The following POLR3B variants were observed in gnomAD, a reference collection of about 807,000 sequenced individuals.
POLR3B encodes DNA-directed RNA polymerase III subunit RPC2.
In POLR3B, 96 loss-of-function variants were observed where a neutral mutation model predicts 147.4. The ratio of observed to expected loss-of-function variants is 0.65; its 90% CI spans 0.55 to 0.77. The LOEUF is 0.77. Among genes scored for constraint, POLR3B ranks in the 30% least tolerant of loss-of-function variants. POLR3B has a pLI of 0.00. For missense variants in POLR3B, 1,036 were observed against 1,413.5 expected (o/e 0.73, Z 4.28); for synonymous variants, 461 against 485.9 (o/e 0.95, Z 0.67).
At chr12:106,390,368 G>C (rs968129643) in intron 9 of POLR3B, among the ~76,000 whole-genome samples, 1 of 151,470 alleles carries the variant, frequency 6.6e-6, no homozygotes, top group Non-Finnish European at 1.5e-5. Flanking sequence ...AAGGAATTCT[G>C]TTCTAATATT....
At chr12:106,434,655 A>G (rs1318761804) in intron 16 of POLR3B, among the ~76,000 whole-genome samples, 1 of 152,004 alleles carries the variant, frequency 6.6e-6, no homozygotes, top group Non-Finnish European at 1.5e-5. Flanking sequence ...TTGTGTCACA[A>G]GCCTTTTCTA....
chr12:106,458,802 A>G (rs1281579963), intron 21 of POLR3B, among the ~76,000 whole-genome samples: 1 of 152,222 alleles, frequency 6.6e-6, no homozygotes, highest in East Asian at 1.9e-4. Flanking sequence ...AAGAGATACA[A>G]AGCAAAAATG....
chr12:106,501,036 G>T (rs2038591959), intron 25 of POLR3B, among the ~76,000 whole-genome samples: 1 of 152,180 alleles, frequency 6.6e-6, no homozygotes, highest in South Asian at 2.1e-4. Context: ...AAGCAAGAAA[G>T]GATGGTGGCC....
At chr12:106,409,175 A>G (rs1040999823) in intron 11 of POLR3B, among the ~76,000 whole-genome samples, 5 of 152,136 alleles carry the variant, frequency 3.3e-5, no homozygotes. Flanking sequence ...TAGATGTTCC[A>G]TGTAACTTGC....
At chr12:106,508,314 A>G (rs1028958236) in intron 27 of POLR3B, among the ~76,000 whole-genome samples, 3 of 152,186 alleles carry the variant, frequency 2.0e-5, no homozygotes, top group African/African-American at 7.2e-5. Context: ...GCACATTTAC[A>G]GTTTTTACAC....
At chr12:106,434,286 A>C (rs943434826) in intron 16 of POLR3B, among the ~76,000 whole-genome samples, 2 of 152,176 alleles carry the variant, frequency 1.3e-5, no homozygotes, top group Non-Finnish European at 2.9e-5. Flanking sequence ...ACTGAAAGCT[A>C]AAGAGTGGTG....
intron 1 of POLR3B, among the ~76,000 whole-genome samples, chr12:106,361,306 G>C (rs954811160): frequency 1.3e-5 from 2 of 152,216 alleles, no homozygotes; most frequent in Non-Finnish European, 2.9e-5. Flanking sequence ...TAGAATTTTT[G>C]TTTTCCTGTT....
chr12:106,398,487 G>C (rs561528397), intron 10 of POLR3B, among the ~76,000 whole-genome samples: 2 of 152,304 alleles, frequency 1.3e-5, no homozygotes, highest in Admixed American at 6.5e-5. Flanking sequence ...AGAGAGTAGT[G>C]GTTCTCCCAG....
At chr12:106,404,348 C>T (rs945272864) in intron 10 of POLR3B, among the ~76,000 whole-genome samples, 1 of 152,194 alleles carries the variant, frequency 6.6e-6, no homozygotes, top group Non-Finnish European at 1.5e-5. Context: ...CCGCCTCGGC[C>T]TCCCAAAGTG....
At chr12:106,379,898 A>G in intron 8 of POLR3B, 133 bp from the exon 9 acceptor site, 1 of 685,630 alleles carries the variant, frequency 1.5e-6, no homozygotes, top group Non-Finnish European at 2.7e-6. Context: ...TTTTTAAAGT[A>G]CTTATTAGAA....
At position 106,380,013 on chromosome 12, in the gene POLR3B, A is replaced by G. The variant is rs769387376; in HGVS notation, c.615-18A>G. Reference sequence around the variant, plus strand: ...ACTAAGTGGGGATGCAGTTTAACCAACTTGTATTTACTCATAGCTCTACCC... The same window carrying G: ...ACTAAGTGGGGATGCAGTTTAACCAGCTTGTATTTACTCATAGCTCTACCC... On this transcript the variant is annotated intron_variant, in intron 8 of 27. Transcript: ENST00000228347. 1.3e-6 allele frequency: 2 copies of G among 1,511,138 alleles called. No individual in the cohort carries two copies. The highest frequency in any genetic ancestry group is 9.2e-7 in the Non-Finnish European group (1 of 1,087,020). 93.6% of individuals were successfully genotyped at this position (1,511,138 alleles called of 1,614,324 possible). A position where few individuals can be genotyped will look rare whatever the true frequency, so the allele number is the denominator to read the frequency against.
intron 23 of POLR3B, among the ~76,000 whole-genome samples, chr12:106,484,526 G>A (rs1178471580): frequency 6.6e-6 from 1 of 152,084 alleles, no homozygotes; most frequent in Non-Finnish European, 1.5e-5. Flanking sequence ...GTAGGCTGAG[G>A]CAGGAGGATC....
At chr12:106,446,747 TA>T (rs963376234) in intron 19 of POLR3B, among the ~76,000 whole-genome samples, 2 of 151,810 alleles carry the variant, frequency 1.3e-5, no homozygotes, top group African/African-American at 2.4e-5. Flanking sequence ...TCTTAAGTAA[TA>T]AAAAAAAGCC....
At chr12:106,381,131 G>A (rs1206441033) in intron 9 of POLR3B, among the ~76,000 whole-genome samples, 1 of 152,162 alleles carries the variant, frequency 6.6e-6, no homozygotes, top group Non-Finnish European at 1.5e-5. Context: ...CCTCAGTGTT[G>A]GTGGCTACTG....
intron 11 of POLR3B, among the ~76,000 whole-genome samples, chr12:106,409,236 G>A (rs1236475109): frequency 1.3e-5 from 2 of 151,806 alleles, no homozygotes; most frequent in Non-Finnish European, 2.9e-5. Context: ...TTAAATGGAG[G>A]ACCATACAGC....
chr12:106,403,073 T>A (rs1326986048), intron 10 of POLR3B, among the ~76,000 whole-genome samples: 3 of 151,576 alleles, frequency 2.0e-5, no homozygotes, highest in African/African-American at 7.3e-5. Flanking sequence ...GACAAAGGGC[T>A]AATATCCAGA....
At chr12:106,391,701 G>A (rs2036916800) in intron 9 of POLR3B, among the ~76,000 whole-genome samples, 2 of 152,206 alleles carry the variant, frequency 1.3e-5, no homozygotes, top group South Asian at 4.1e-4. Flanking sequence ...TAGTTGTAAT[G>A]TCTGTGTGTG....
intron 12 of POLR3B, among the ~76,000 whole-genome samples, chr12:106,418,254 T>C (rs1049876695): frequency 2.6e-5 from 4 of 152,238 alleles, no homozygotes; most frequent in African/African-American, 9.6e-5. Context: ...ATTACTCTAT[T>C]CTTTGTCTGC....
At chr12:106,412,095 CTCA>C (rs1172884135) in intron 12 of POLR3B, among the ~76,000 whole-genome samples, 2 of 152,140 alleles carry the variant, frequency 1.3e-5, no homozygotes, top group East Asian at 3.9e-4. Context: ...TTGAATGTGG[CTCA>C]TGTTTTTCTG....
Sources: gnomAD v4.1 joint callset for allele counts (sites outside exome capture counted in the v4.1 genomes callset) on GRCh38, gnomAD v4.1.1 for gene constraint, MANE v1.5 for transcripts, NCBI Gene and HGNC (gene_info 2026-07-23, HGNC 2026-07-21) for gene names.